KLHL14: variants seen among roughly 807,000 people sequenced by gnomAD.
The protein encoded by KLHL14 is kelch like family member 14, also known as kelch-like protein 14.
A neutral mutation model predicts 64.3 loss-of-function variants in KLHL14; 22 were observed. The observed-to-expected ratio is 0.34, with a 90% CI of 0.24 to 0.49. The LOEUF (loss-of-function observed/expected upper bound fraction) is 0.49. Ranked by LOEUF, KLHL14 falls within the 20% of genes least tolerant of loss-of-function variation. The probability of loss-of-function intolerance (pLI) is 0.99; values close to 1 mark genes in which losing one functional copy is unlikely to be tolerated. For synonymous variants in KLHL14, 322 were observed against 333.4 expected (o/e 0.97, Z 0.37); for missense variants, 661 against 789.0 (o/e 0.84, Z 1.94).
intron 2 of KLHL14, among the ~76,000 whole-genome samples, chr18:32,752,270 T>C (rs1364741897): frequency 6.6e-6 from 1 of 152,210 alleles, no homozygotes; most frequent in Non-Finnish European, 1.5e-5. Context: ...TATTCTTTTT[T>C]TTCCCTTACT....
intron 3 of KLHL14, among the ~76,000 whole-genome samples, chr18:32,698,666 A>T (rs2049948055): frequency 6.6e-6 from 1 of 152,158 alleles, no homozygotes; most frequent in Non-Finnish European, 1.5e-5. Context: ...AAATATAATA[A>T]CAGGTGTTCA....
chr18:32,679,581 A>T (rs2049828146), intron 7 of KLHL14, among the ~76,000 whole-genome samples: 1 of 152,150 alleles, frequency 6.6e-6, no homozygotes. Context: ...AGTCGTATAC[A>T]TATCTAGGGA....
chr18:32,683,042 TTAAC>T lies in KLHL14; in HGVS notation c.1239-2447_1239-2444del, dbSNP rs2144469062. ...CACAACAAGTATGAAAACCTTCTATTTAACTGAGTATAGATTTTGAAGAATAAGA... is the reference window on the plus strand; with the variant it reads ...CACAACAAGTATGAAAACCTTCTATTTGAGTATAGATTTTGAAGAATAAGA... On this transcript the variant is annotated intron_variant, in intron 5 of 8. Transcript: ENST00000359358. This position sits in a 1 kb window ranked among gnomAD's most constrained non-coding sequence, Gnocchi z 4.2. Among the ~76,000 whole-genome samples, 1 of 152,352 alleles carries T rather than the reference TTAAC, an allele frequency of 6.6e-6. No individual in the cohort carries two copies. The highest frequency in any genetic ancestry group is 2.1e-4 in the South Asian group (1 of 4,834).
chr18:32,771,297 TC>T (rs1215112922), intron 1 of KLHL14, among the ~76,000 whole-genome samples: 2 of 152,048 alleles, frequency 1.3e-5, no homozygotes, highest in Non-Finnish European at 2.9e-5. Flanking sequence ...TAAAGCCCTT[TC>T]TTCTCCCGGG....
intron 3 of KLHL14, among the ~76,000 whole-genome samples, chr18:32,719,458 T>G (rs893024216): frequency 6.6e-6 from 1 of 152,248 alleles, no homozygotes; most frequent in African/African-American, 2.4e-5. Flanking sequence ...TATTAACAAC[T>G]ATGAGCATTT....
At position 32,711,490 on chromosome 18, in the gene KLHL14, G is replaced by A. The variant is rs689524; in HGVS notation, c.1070-15938C>T. Among the ~76,000 whole-genome samples the A allele has an allele frequency of 9.8e-3, 1,495 of 152,250 alleles. 26 individuals are homozygous for A. Among genetic ancestry groups the A allele is most frequent in the African/African-American group, 0.029 (1,224 of 41,554 alleles). ...TCTATTCAAACACTACTTCTCAATA[G>A]ATTTGGATTCTCATTTTCCTGGTGA... is the stretch of plus-strand genomic sequence containing the variant. On this transcript the variant is annotated intron_variant, in intron 3 of 8. Coordinates refer to ENST00000359358, the MANE Select transcript of KLHL14 (RefSeq NM_020805.3).
At position 32,770,279 on chromosome 18, in the gene KLHL14, C is replaced by T; in HGVS notation, c.313G>A (p.Gly105Arg). The T allele has an allele frequency of 1.3e-6, 2 of 1,590,242 alleles. No homozygotes were observed. The highest frequency in any genetic ancestry group is 1.7e-6 in the Non-Finnish European group (2 of 1,167,780). Residue 105 changes from glycine (G) to arginine (R), a missense_variant, in exon 2 of 9, where the codon GGG becomes AGG. By Grantham distance (125) the Gly-to-Arg change is moderately radical. Coordinates refer to ENST00000359358, the MANE Select transcript of KLHL14 (RefSeq NM_020805.3). This position sits in a 1 kb window ranked among gnomAD's most constrained non-coding sequence, Gnocchi z 6.7. ...QQQPPPQEEPGTPSSSPDDKL... is the reference protein window; with the variant it reads ...QQQPPPQEEPRTPSSSPDDKL... Reference sequence around the variant, plus strand: ...TCGTCGGGGGAGGAAGAAGGAGTCCCGGGCTCCTCCTGCGGCGGCGGCTGC... The same window carrying T: ...TCGTCGGGGGAGGAAGAAGGAGTCCTGGGCTCCTCCTGCGGCGGCGGCTGC...
At chr18:32,689,212 A>T (rs1228434522) in intron 4 of KLHL14, among the ~76,000 whole-genome samples, 2 of 152,096 alleles carry the variant, frequency 1.3e-5, no homozygotes, top group Non-Finnish European at 2.9e-5. Context: ...TATGGGTGCA[A>T]ATTTTGGAGT....
At chr18:32,729,289 A>T (rs1471383069) in intron 3 of KLHL14, among the ~76,000 whole-genome samples, 1 of 152,178 alleles carries the variant, frequency 6.6e-6, no homozygotes, top group African/African-American at 2.4e-5. Flanking sequence ...TCTACTACCT[A>T]GAGCTGTGCT....
At chr18:32,753,391 C>T (rs1476288921) in intron 2 of KLHL14, among the ~76,000 whole-genome samples, 1 of 151,986 alleles carries the variant, frequency 6.6e-6, no homozygotes, top group Non-Finnish European at 1.5e-5. Context: ...CTTCCCACCC[C>T]TTCACTTCTC....
chr18:32,762,495 A>ACTTTTTC (rs1314851294), intron 2 of KLHL14, among the ~76,000 whole-genome samples: 2 of 151,712 alleles, frequency 1.3e-5, no homozygotes. Flanking sequence ...TCATTACCCT[A>ACTTTTTC]TAATTTATTT....
chr18:32,770,353 G>A lies in KLHL14; in HGVS notation c.239C>T (p.Ala80Val), dbSNP rs1305742599. The part of the protein sequence containing the change: ...GGVGGQDGLG[A>V]PKDQQQPPQQ... ...CGGCGGCTGCTGCTGGTCCTTGGGG[G>A]CCCCCAGGCCGTCCTGGCCGCCGAC... is the stretch of plus-strand genomic sequence containing the variant. Residue 80 changes from alanine to valine, a missense_variant, in exon 2 of 9, where the codon GCC (alanine) becomes GTC (valine). This residue lies in a region of KLHL14 where 331 missense variants were observed against 339.0 expected (regional missense o/e 0.98). Transcript: ENST00000359358. This position sits in a 1 kb window ranked among gnomAD's most constrained non-coding sequence, Gnocchi z 6.7. 6.3e-7 allele frequency: 1 copy of A among 1,581,792 alleles called. No individual in the cohort carries two copies. The highest frequency in any genetic ancestry group is 1.2e-5 in the South Asian group (1 of 85,762).
At chr18:32,716,779 A>G (rs2050048029) in intron 3 of KLHL14, among the ~76,000 whole-genome samples, 1 of 152,172 alleles carries the variant, frequency 6.6e-6, no homozygotes, top group African/African-American at 2.4e-5. Context: ...TTGATATTTA[A>G]AAATTGATTA....
intron 8 of KLHL14, 55 bp downstream of exon 8, chr18:32,677,118 A>G: frequency 1.3e-6 from 2 of 1,554,986 alleles, no homozygotes; most frequent in Non-Finnish European, 1.8e-6. Flanking sequence ...GGAAGGATAC[A>G]GAAAACGTAA....
chr18:32,689,228 G>T (rs2049895158), intron 4 of KLHL14, among the ~76,000 whole-genome samples: 1 of 152,138 alleles, frequency 6.6e-6, no homozygotes, highest in African/African-American at 2.4e-5. Flanking sequence ...GGAGTCATTA[G>T]TCCAGAGTTA....
intron 5 of KLHL14, 81 bp downstream of exon 5, chr18:32,687,074 C>T (rs1450513378): frequency 4.3e-6 from 5 of 1,167,612 alleles, no homozygotes; most frequent in South Asian, 1.2e-5. Context: ...TTTAGCATTC[C>T]TTCTTACAAA....
chr18:32,724,236 T>C (rs562086463), intron 3 of KLHL14, among the ~76,000 whole-genome samples: 1 of 152,170 alleles, frequency 6.6e-6, no homozygotes, highest in African/African-American at 2.4e-5. Flanking sequence ...AGTTTTCTCA[T>C]ATGTCAAATA....
intron 2 of KLHL14, among the ~76,000 whole-genome samples, chr18:32,764,847 A>G (rs2050332057): frequency 6.6e-6 from 1 of 152,178 alleles, no homozygotes; most frequent in South Asian, 2.1e-4. Context: ...TATAGAAAAA[A>G]ATTGCTGACC....
intron 5 of KLHL14, among the ~76,000 whole-genome samples, chr18:32,684,253 T>C (rs2049859168): frequency 6.6e-6 from 1 of 152,240 alleles, no homozygotes; most frequent in Non-Finnish European, 1.5e-5. Context: ...TTTCTGTCAG[T>C]AAATTCATAG....
Sources: allele counts gnomAD v4.1 joint callset (sites outside exome capture counted in the v4.1 genomes callset), GRCh38; gene constraint gnomAD v4.1.1; regional missense constraint gnomAD v4.1.1; non-coding constraint Gnocchi (gnomAD v3.1); transcripts MANE v1.5; gene names NCBI Gene and HGNC (gene_info 2026-07-23, HGNC 2026-07-21).